The following NAALADL2 variants were observed in gnomAD, a reference collection of about 807,000 sequenced individuals.
The protein encoded by NAALADL2 is inactive N-acetylated-alpha-linked acidic dipeptidase-like protein 2.
NAALADL2 carries 76 observed loss-of-function variants against 87.2 expected under a neutral mutation model. The ratio of observed to expected loss-of-function variants is 0.87; its 90% CI spans 0.72 to 1.05. The LOEUF (loss-of-function observed/expected upper bound fraction) is 1.05. Among genes scored for constraint, NAALADL2 ranks in the 50% least tolerant of loss-of-function variants. NAALADL2 has a pLI of 0.00. For missense variants in NAALADL2, 1,089 were observed against 945.8 expected (o/e 1.15, Z -1.99); for synonymous variants, 354 against 331.0 (o/e 1.07, Z -0.75).
intron 3 of NAALADL2, among the ~76,000 whole-genome samples, chr3:174,821,940 G>A (rs1054540268): frequency 6.6e-6 from 1 of 152,090 alleles, no homozygotes; most frequent in Non-Finnish European, 1.5e-5. Context: ...ATTTTTAGAA[G>A]CACTGAAAAT....
chr3:174,992,065 AC>A (rs1746824071), intron 1 of NAALADL2, among the ~76,000 whole-genome samples: 1 of 152,068 alleles, frequency 6.6e-6, no homozygotes, highest in East Asian at 1.9e-4. Flanking sequence ...TAGAGCAATT[AC>A]TTTTGGTATC....
At chr3:175,258,323 C>A (rs1392407018) in intron 4 of NAALADL2, among the ~76,000 whole-genome samples, 5,203 of 65,160 alleles carry the variant, frequency 0.08, 389 homozygotes, top group African/African-American at 0.22. Flanking sequence ...GCCCCCACCA[C>A]CAAAAAAAAA....
intron 10 of NAALADL2, among the ~76,000 whole-genome samples, chr3:175,602,322 A>T (rs10936856): frequency 0.65 from 98,737 of 151,858 alleles, 34,452 homozygotes; most frequent in East Asian, 0.85. Flanking sequence ...TAATTAATTT[A>T]AAACATTTGT....
chr3:174,919,848 T>C (rs9809481), intron 1 of NAALADL2, among the ~76,000 whole-genome samples: 35,498 of 152,090 alleles, frequency 0.23, 4,421 homozygotes, highest in East Asian at 0.35. Context: ...AATTACTCCT[T>C]GATCCATATG....
intron 2 of NAALADL2, among the ~76,000 whole-genome samples, chr3:174,599,875 A>G (rs981258508): frequency 5.3e-5 from 8 of 152,140 alleles, no homozygotes; most frequent in African/African-American, 1.9e-4. Context: ...GGCAGTTTTT[A>G]TATTCTATCT....
At chr3:175,246,970 G>A (rs1316777951) in intron 3 of NAALADL2, among the ~76,000 whole-genome samples, 1 of 152,152 alleles carries the variant, frequency 6.6e-6, no homozygotes, top group African/African-American at 2.4e-5. Context: ...CACAGAGGAT[G>A]TGGAGTATGA....
At chr3:174,691,895 T>C (rs1306815239) in intron 2 of NAALADL2, 2 of 152,220 alleles carry the variant, frequency 1.3e-5, no homozygotes, top group Non-Finnish European at 2.9e-5. Context: ...GTTTGATTAT[T>C]AGATTGCAGC....
intron 6 of NAALADL2, among the ~76,000 whole-genome samples, chr3:175,453,830 C>A (rs760559059): frequency 7.9e-5 from 12 of 151,992 alleles, no homozygotes; most frequent in South Asian, 2.1e-4. Flanking sequence ...TTAAAATCTC[C>A]TACTGTGAAT....
intron 2 of NAALADL2, among the ~76,000 whole-genome samples, chr3:175,183,844 C>G (rs1424772967): frequency 3.3e-5 from 5 of 152,044 alleles, no homozygotes; most frequent in African/African-American, 1.2e-4. Context: ...CCTATTATTT[C>G]TTACTTTGTT....
intron 1 of NAALADL2, among the ~76,000 whole-genome samples, chr3:174,544,407 T>G (rs1722536221): frequency 6.6e-6 from 1 of 152,126 alleles, no homozygotes; most frequent in Non-Finnish European, 1.5e-5. Context: ...ACATATGATT[T>G]TTTTTCTTTC....
At chr3:174,810,895 C>T (rs552928869) in intron 3 of NAALADL2, among the ~76,000 whole-genome samples, 2 of 152,286 alleles carry the variant, frequency 1.3e-5, no homozygotes, top group East Asian at 1.9e-4. Context: ...TGGACCAGAC[C>T]TAGGGCCCTG....
intron 2 of NAALADL2, among the ~76,000 whole-genome samples, chr3:174,730,669 T>C (rs1196452116): frequency 1.3e-5 from 2 of 152,146 alleles, no homozygotes; most frequent in Non-Finnish European, 2.9e-5. Context: ...TTTATTCTTA[T>C]TGATTGACAT....
At chr3:175,212,124 G>A (rs1449281806) in intron 2 of NAALADL2, among the ~76,000 whole-genome samples, 2 of 151,922 alleles carry the variant, frequency 1.3e-5, no homozygotes, top group South Asian at 4.1e-4. Flanking sequence ...AAAAATAATA[G>A]CAGTAAAAGT....
At chr3:175,502,434 C>T (rs1238935654) in intron 9 of NAALADL2, among the ~76,000 whole-genome samples, 1 of 152,146 alleles carries the variant, frequency 6.6e-6, no homozygotes, top group African/African-American at 2.4e-5. Flanking sequence ...CAGGTTGACA[C>T]TGCCTCACTG....
intron 3 of NAALADL2, among the ~76,000 whole-genome samples, chr3:174,784,063 C>A (rs1716313484): frequency 6.6e-6 from 1 of 152,094 alleles, no homozygotes; most frequent in African/African-American, 2.4e-5. Context: ...ATATTGAATG[C>A]TTACTATATA....
rs142814556 is a variant in NAALADL2, at chr3:174,626,790, G to A, written c.-115+76153G>A. Among the ~76,000 whole-genome samples the A allele has an allele frequency of 9.2e-5, 14 of 151,918 alleles. No individual in the cohort carries two copies. The East Asian group carries it at 1.9e-3, about 21-fold the overall frequency. ...TGTATAGAGCAAGAAATGAAAGTGC[G>A]CTTTTTCATTTATTTCTAATGAACA... On this transcript the variant is annotated intron_variant, in intron 2 of 3. Transcript: ENST00000434257.
intron 3 of NAALADL2, among the ~76,000 whole-genome samples, chr3:174,798,066 T>A (rs974425028): frequency 6.6e-6 from 1 of 152,202 alleles, no homozygotes; most frequent in Non-Finnish European, 1.5e-5. Flanking sequence ...CTGTGTTCTC[T>A]AACATGCGGA....
intron 5 of NAALADL2, among the ~76,000 whole-genome samples, chr3:175,382,903 G>A (rs1420482068): frequency 6.6e-6 from 1 of 152,016 alleles, no homozygotes. Context: ...GCTATCCAAA[G>A]ATTTACACAC....
intron 3 of NAALADL2, among the ~76,000 whole-genome samples, chr3:174,840,060 A>G (rs2109416432): frequency 6.6e-6 from 1 of 152,118 alleles, no homozygotes; most frequent in South Asian, 2.1e-4. Flanking sequence ...ATGCATTTAT[A>G]TAGCAGCACA....
Sources: gnomAD v4.1 joint callset for allele counts (sites outside exome capture counted in the v4.1 genomes callset) on GRCh38, gnomAD v4.1.1 for gene constraint, MANE v1.5 for transcripts, NCBI Gene and HGNC (gene_info 2026-07-23, HGNC 2026-07-21) for gene names.